NSMCE1: variants seen among roughly 807,000 people sequenced by gnomAD.
The protein encoded by NSMCE1 is non-structural maintenance of chromosomes element 1 homolog.
Under a neutral mutation model 29.6 loss-of-function variants are expected in NSMCE1, and 18 were observed. The ratio of observed to expected loss-of-function variants is 0.61; its 90% confidence interval spans 0.42 to 0.90. The LOEUF (loss-of-function observed/expected upper bound fraction) is 0.90, where lower values mean the gene tolerates loss of function less well. Ranked by LOEUF, NSMCE1 falls within the 40% of genes least tolerant of loss-of-function variation. NSMCE1 has a pLI of 0.00. For missense variants in NSMCE1, 314 were observed against 343.6 expected, an observed-to-expected ratio of 0.91 and a Z score of 0.68; for synonymous variants, 124 against 133.4, an observed-to-expected ratio of 0.93 and a Z score of 0.49.
intron 5 of NSMCE1, among the ~76,000 whole-genome samples, chr16:27,229,006 A>G (rs2083735711): frequency 1.3e-5 from 2 of 151,862 alleles, no homozygotes; most frequent in South Asian, 2.1e-4. Context: ...GCTACCGAAC[A>G]AGCCTGGCCC....
At chr16:27,262,104 C>T (rs778311237) in intron 1 of NSMCE1, among the ~76,000 whole-genome samples, 1 of 151,920 alleles carries the variant, frequency 6.6e-6, no homozygotes, top group African/African-American at 2.4e-5. Context: ...ATTGGTTGGG[C>T]GGGGTGGCAC....
At chr16:27,227,783 CTTTTTT>C (rs1239133211) in intron 5 of NSMCE1, among the ~76,000 whole-genome samples, 1 of 65,994 alleles carries the variant, frequency 1.5e-5, no homozygotes, top group Admixed American at 1.4e-4. Context: ...CTTTTCTTTT[CTTTTTT>C]TTTTTTTTTT....
At position 27,235,296 on chromosome 16, in the gene NSMCE1, T is replaced by A; in HGVS notation, c.140A>T (p.Asn47Ile). The change falls in exon 3 of 8, where the codon AAT becomes ATT. Residue 47 changes from asparagine to isoleucine, a missense_variant. Transcript: ENST00000361439. ...QTHCYKVHDR[N>I]ATVDKLEDFI... is the part of the protein sequence containing the mutation. ...GTCCTCCAACTTATCTACGGTGGCA[T>A]TGCCTGGAAATAAACAGACCAAAAA... is the stretch of plus-strand genomic sequence containing the variant. 5.6e-6 allele frequency: 9 copies of A among 1,612,950 alleles called. No individual in the cohort carries two copies. Among genetic ancestry groups the A allele is most frequent in the Non-Finnish European group, 7.6e-6 (9 of 1,179,796 alleles).
At chr16:27,236,642 ACT>A (rs2083829153) in intron 2 of NSMCE1, among the ~76,000 whole-genome samples, 2 of 23,920 alleles carry the variant, frequency 8.4e-5, no homozygotes, top group African/African-American at 1.2e-3. Flanking sequence ...TATTGTTTTC[ACT>A]ACTGTTTTTA....
chr16:27,262,923 G>A (rs2084176395), intron 1 of NSMCE1, among the ~76,000 whole-genome samples: 1 of 151,896 alleles, frequency 6.6e-6, no homozygotes. Flanking sequence ...ACATACATGT[G>A]GTCAACAAGC....
rs55762579 is a variant in NSMCE1 at position 27,260,858 on chromosome 16, C to CA, written c.-11-3278dup. ...TGGGCAACAGAGTGAGACCCTGTCT[C>CA]AAAAAAAAAAAAAAAAAGGTTGCGG... On this transcript the variant is annotated intron_variant, in intron 1 of 7. Transcript: ENST00000361439. Among the ~76,000 whole-genome samples the CA allele has an allele frequency of 7.9e-3, 695 of 87,928 alleles. 22 individuals are homozygous for CA. The highest frequency in any genetic ancestry group is 0.042 in the East Asian group (114 of 2,738). 57.7% of individuals were successfully genotyped at this position (87,928 alleles called of 152,430 possible).
At chr16:27,228,717 C>T in intron 5 of NSMCE1, among the ~76,000 whole-genome samples, 1 of 131,920 alleles carries the variant, frequency 7.6e-6, no homozygotes, top group Non-Finnish European at 1.6e-5. Context: ...CACCCTCTTC[C>T]ACCCTCCCCT....
intron 1 of NSMCE1, among the ~76,000 whole-genome samples, chr16:27,259,432 T>A (rs916683320): frequency 6.6e-6 from 1 of 152,118 alleles, no homozygotes; most frequent in Non-Finnish European, 1.5e-5. Flanking sequence ...GGGCACAGGG[T>A]TAGAATGTGC....
intron 2 of NSMCE1, among the ~76,000 whole-genome samples, chr16:27,250,653 C>A (rs12919473): frequency 0.019 from 2,889 of 151,220 alleles, 40 homozygotes; most frequent in African/African-American, 0.037. Context: ...ATTCGTCGGG[C>A]GTGGTGGCAC....
At chr16:27,267,985 C>T (rs2084245874) in intron 1 of NSMCE1, among the ~76,000 whole-genome samples, 1 of 152,092 alleles carries the variant, frequency 6.6e-6, no homozygotes, top group Non-Finnish European at 1.5e-5. Context: ...TCAGGTGATC[C>T]GCCCCCCTCA....
intron 2 of NSMCE1, among the ~76,000 whole-genome samples, chr16:27,250,649 C>T (rs1019255293): frequency 1.3e-5 from 2 of 151,280 alleles, no homozygotes; most frequent in Non-Finnish European, 2.9e-5. Flanking sequence ...AAAAATTCGT[C>T]GGGCGTGGTG....
intron 4 of NSMCE1, 42 bp downstream of exon 4, chr16:27,234,146 T>C (rs754444989): frequency 1.5e-6 from 2 of 1,338,770 alleles, no homozygotes; most frequent in African/African-American, 2.9e-5. Context: ...AACTTTCCCA[T>C]AAGAAGCCCA....
Position 27,232,202 on chromosome 16 carries a change from G to A in NSMCE1, c.483+799C>T, listed in dbSNP as rs532355744. Among the ~76,000 whole-genome samples, 5 of 152,340 alleles carry A rather than the reference G, an allele frequency of 3.3e-5. No individual in the cohort carries two copies. The East Asian group carries it at 7.7e-4, about 23-fold the overall frequency. On this transcript the variant is annotated intron_variant, in intron 5 of 7. Transcript: ENST00000361439. This position sits in a 1 kb window ranked among gnomAD's most constrained non-coding sequence, Gnocchi z 4.5. ...CCAAGTGAGGAAGCGGGGACCCGGCGTGAGTGCGTCCTCAACACACATGGG... is the reference window on the plus strand; with the variant it reads ...CCAAGTGAGGAAGCGGGGACCCGGCATGAGTGCGTCCTCAACACACATGGG...
rs545512534 is a variant in NSMCE1 at position 27,238,872 on chromosome 16, A to ATT, written c.137-3575_137-3574dup. Among the ~76,000 whole-genome samples, 104 of 138,950 alleles carry ATT rather than the reference A, an allele frequency of 7.5e-4. 1 individual carries two copies. The highest frequency in any genetic ancestry group is 2.2e-3 in the African/African-American group (84 of 37,568). The allele number at this position is 138,950 out of a possible 152,430, so 91.2% of individuals were successfully genotyped here. The stretch of plus-strand genomic sequence containing the variant: ...CCCTCCCCCAATAGCATCCCGACAC[A>ATT]TTTTTTTTTTTTTTTGAGATGGAGT... On this transcript the variant is annotated intron_variant, in intron 2 of 7. Transcript: ENST00000361439.
chr16:27,265,082 C>G (rs2084207222), intron 1 of NSMCE1, among the ~76,000 whole-genome samples: 2 of 151,670 alleles, frequency 1.3e-5, no homozygotes, highest in African/African-American at 2.4e-5. Flanking sequence ...TCTTAGCCAC[C>G]ACCAGACAGG....
rs1408121007 is a variant in NSMCE1 at position 27,233,030 on chromosome 16, T to C, written c.454A>G (p.Lys152Glu). The C allele has an allele frequency of 1.9e-6, 3 of 1,614,200 alleles. No individual in the cohort carries two copies. The South Asian group carries it at 3.3e-5, about 18-fold the overall frequency. ...ATCAGCCACTTGTTTTGAACAAACT[T>C]CTGCAGCACCTGCTCCGCTTCCTTC... ...RKKEAEQVLQ[K>E]FVQNKWLIEK... The change falls in exon 5 of 8, where the codon AAG (lysine) becomes GAG (glutamate). Residue 152 changes from lysine (K) to glutamate (E), a missense_variant. Lys to Glu is a moderately conservative substitution (Grantham distance 56). Transcript: ENST00000361439.
At chr16:27,259,564 G>A (rs528129449) in intron 1 of NSMCE1, among the ~76,000 whole-genome samples, 1 of 152,256 alleles carries the variant, frequency 6.6e-6, no homozygotes, top group Admixed American at 6.6e-5. Context: ...TTGGCATCAT[G>A]GAGGTGTAGA....
intron 2 of NSMCE1, among the ~76,000 whole-genome samples, chr16:27,239,257 C>T (rs2083863235): frequency 6.6e-6 from 1 of 152,190 alleles, no homozygotes; most frequent in African/African-American, 2.4e-5. Context: ...GCTAAGGTTG[C>T]ACCAGATCGC....
Position 27,233,001 on chromosome 16 carries a change from C to A in NSMCE1, c.483G>T (p.Glu161Asp). The A allele has an allele frequency of 1.2e-6, 2 of 1,613,424 alleles. No individual in the cohort carries two copies. Among genetic ancestry groups the A allele is most frequent in the South Asian group, 1.1e-5 (1 of 90,768 alleles). Residue 161 changes from glutamate to aspartate, a missense_variant and splice_region_variant, in exon 5 of 8, where the codon GAG becomes GAT. Glu to Asp is a conservative substitution (Grantham distance 45, BLOSUM62 2). Coordinates refer to ENST00000361439, the MANE Select transcript of NSMCE1 (RefSeq NM_145080.4). ...GGCTGGAAAAACCATGAGACAGTACCTCAATCAGCCACTTGTTTTGAACAA... is the reference window on the plus strand; with the variant it reads ...GGCTGGAAAAACCATGAGACAGTACATCAATCAGCCACTTGTTTTGAACAA... ...QKFVQNKWLI[E>D]KEGEFTLHGR...
Sources: allele counts gnomAD v4.1 joint callset (sites outside exome capture counted in the v4.1 genomes callset), GRCh38; gene constraint gnomAD v4.1.1; non-coding constraint Gnocchi (gnomAD v3.1); transcripts MANE v1.5; gene names NCBI Gene and HGNC (gene_info 2026-07-23, HGNC 2026-07-21).